SH3D19: variants seen among roughly 807,000 people sequenced by gnomAD.
SH3D19 encodes the protein SH3 domain-containing protein 19.
SH3D19 carries 58 observed loss-of-function variants against 112.1 expected under a neutral mutation model. The ratio of observed to expected loss-of-function variants is 0.52; its 90% CI spans 0.42 to 0.64. The LOEUF (loss-of-function observed/expected upper bound fraction) is 0.64. Among genes scored for constraint, SH3D19 ranks in the 30% least tolerant of loss-of-function variants. The pLI is 0.00. For missense variants in SH3D19, 1,090 were observed against 1,263.4 expected, an observed-to-expected ratio of 0.86 and a Z score of 2.08; for synonymous variants, 391 against 448.5, an observed-to-expected ratio of 0.87 and a Z score of 1.62.
chr4:151,279,745 G>C, intron 1 of SH3D19: 2 of 1,564,948 alleles, frequency 1.3e-6, no homozygotes, highest in South Asian at 1.1e-5. Flanking sequence ...GTGGGGACCA[G>C]AGAAACAGGA....
Position 151,128,218 on chromosome 4 carries a change from G to A in SH3D19, c.2881C>T (p.Gln961Ter). The change falls in exon 18 of 20, where the codon CAG becomes TAG. Residue 961 changes from glutamine (Q) to a stop codon, truncating the protein, a stop_gained. Transcript: ENST00000604030. LOFTEE classifies it high-confidence loss of function. ...LDSDWCRGRL[Q>*]DREGIFPAVF... The stretch of plus-strand genomic sequence containing the variant: ...GCTGGGAAGATCCCCTCCCTGTCCT[G>A]CAGTCTGCCCCTGCACCAGTCAGAA... The A allele has an allele frequency of 1.2e-6, 2 of 1,613,416 alleles. No individual in the cohort carries two copies. The highest frequency in any genetic ancestry group is 1.1e-5 in the South Asian group (1 of 90,842).
chr4:151,213,090 T>C (rs1487093736), intron 2 of SH3D19, among the ~76,000 whole-genome samples: 3 of 152,182 alleles, frequency 2.0e-5, no homozygotes, highest in Admixed American at 1.3e-4. Flanking sequence ...AAAGCTTCAG[T>C]GGATGAGGAG....
intron 1 of SH3D19, among the ~76,000 whole-genome samples, chr4:151,283,507 ACT>A (rs1774449659): frequency 9.8e-6 from 1 of 102,464 alleles, no homozygotes; most frequent in African/African-American, 3.3e-5. Flanking sequence ...TGGTCATTGG[ACT>A]TTTTTTTTTT....
chr4:151,180,551 C>T (rs555615714), intron 3 of SH3D19, among the ~76,000 whole-genome samples: 16 of 149,632 alleles, frequency 1.1e-4, no homozygotes, highest in South Asian at 4.3e-4. Flanking sequence ...GGACTACAGG[C>T]GCCCGCGACC....
chr4:151,150,206 A>AAAAAAAAAAAT (rs1273707426), intron 9 of SH3D19, among the ~76,000 whole-genome samples: 12 of 46,156 alleles, frequency 2.6e-4, no homozygotes, highest in East Asian at 9.5e-4. Flanking sequence ...AAAAAAAAAA[A>AAAAAAAAAAAT]ATATATATAT....
At chr4:151,177,734 T>C (rs1483443663) in intron 4 of SH3D19, among the ~76,000 whole-genome samples, 1 of 152,236 alleles carries the variant, frequency 6.6e-6, no homozygotes, top group Non-Finnish European at 1.5e-5. Flanking sequence ...ACTTCATCTC[T>C]GTTTCAATTC....
intron 2 of SH3D19, among the ~76,000 whole-genome samples, chr4:151,225,135 T>C (rs1768781212): frequency 6.6e-6 from 1 of 152,332 alleles, no homozygotes; most frequent in Admixed American, 6.5e-5. Context: ...TATATTTTTA[T>C]TGATTGAGGT....
At chr4:151,137,082 A>T (rs752860852) in intron 14 of SH3D19, among the ~76,000 whole-genome samples, 13 of 152,182 alleles carry the variant, frequency 8.5e-5, no homozygotes, top group Non-Finnish European at 1.8e-4. Context: ...TTTTATCCCC[A>T]TGTTTCACAC....
intron 4 of SH3D19, among the ~76,000 whole-genome samples, chr4:151,178,311 A>G (rs1015597959): frequency 1.3e-5 from 2 of 152,218 alleles, no homozygotes. Flanking sequence ...TGGAACATAC[A>G]TGGATGATAA....
At chr4:151,185,282 C>T (rs971200166) in intron 3 of SH3D19, among the ~76,000 whole-genome samples, 2 of 152,040 alleles carry the variant, frequency 1.3e-5, no homozygotes, top group Non-Finnish European at 2.9e-5. Flanking sequence ...GGGCTGGGTT[C>T]ATTGGGTCAT....
chr4:151,226,042 CAT>C lies in SH3D19; in HGVS notation c.152+3_152+4del. ...ACAGAATTATTAGATACTGTAAATT[CAT>C]ACCTTGAAGAACGATGTTCTGGTTT... On this transcript the variant is annotated splice_donor_region_variant and intron_variant, in intron 2 of 19. Transcript: ENST00000604030. 8.1e-7 allele frequency: 1 copy of C among 1,230,844 alleles called. No homozygotes were observed. Among genetic ancestry groups the C allele is most frequent in the African/African-American group, 1.5e-5 (1 of 64,522 alleles). The allele number at this position is 1,230,844 out of a possible 1,614,324, so 76.2% of individuals were successfully genotyped here.
At chr4:151,291,124 T>C (rs774987956) in intron 1 of SH3D19, 2 of 1,609,660 alleles carry the variant, frequency 1.2e-6, no homozygotes, top group Non-Finnish European at 1.7e-6. Context: ...TTAGGGTGAT[T>C]CTGGAGGGCC....
intron 6 of SH3D19, 137 bp from the exon 7 acceptor site, chr4:151,175,811 G>A (rs1759852893): frequency 1.2e-5 from 9 of 755,764 alleles, no homozygotes; most frequent in Non-Finnish European, 1.6e-5. Context: ...CTTTTAATTA[G>A]TAAAAAGTGA....
chr4:151,175,516 A>G lies in SH3D19; in HGVS notation c.688T>C (p.Ser230Pro). ...GGTATTGGTCTGAGGTTGCTTTTTGATCTTGGTTTTGGCACTGGACATCTT... is the reference window on the plus strand; with the variant it reads ...GGTATTGGTCTGAGGTTGCTTTTTGGTCTTGGTTTTGGCACTGGACATCTT... ...ATRCPVPKPR[S>P]KSNLRPIPRD... Residue 230 changes from serine (S) to proline (P), a missense_variant, in exon 7 of 20, where the codon TCA becomes CCA. Physicochemically the swap from Ser to Pro is moderately conservative, Grantham distance 74. Transcript: ENST00000604030. 7.1e-7 allele frequency: 1 copy of G among 1,401,572 alleles called. No individual in the cohort carries two copies. Among genetic ancestry groups the G allele is most frequent in the Non-Finnish European group, 9.2e-7 (1 of 1,082,454 alleles). 86.8% of individuals were successfully genotyped at this position (1,401,572 alleles called of 1,614,324 possible). A position where few individuals can be genotyped will look rare whatever the true frequency, so the allele number is the denominator to read the frequency against.
intron 1 of SH3D19, among the ~76,000 whole-genome samples, chr4:151,271,212 C>T (rs1418257832): frequency 6.6e-6 from 1 of 152,194 alleles, no homozygotes; most frequent in African/African-American, 2.4e-5. Flanking sequence ...AGGCATGAGC[C>T]ACTATGCGTG....
At chr4:151,325,202 G>A in intron 1 of SH3D19, 39 bp downstream of exon 1, 1 of 1,145,986 alleles carries the variant, frequency 8.7e-7, no homozygotes, top group Non-Finnish European at 1.1e-6. Context: ...AGAGCGCGCA[G>A]CTCTGGGTCC....
intron 1 of SH3D19, chr4:151,262,995 T>C (rs957064013): frequency 2.6e-5 from 4 of 152,036 alleles, no homozygotes; most frequent in Admixed American, 6.6e-5. Context: ...AAAGTGACAG[T>C]TGAGAATGAG....
At chr4:151,286,492 G>A (rs1774800638) in intron 1 of SH3D19, among the ~76,000 whole-genome samples, 1 of 150,536 alleles carries the variant, frequency 6.6e-6, no homozygotes, top group Admixed American at 6.6e-5. Context: ...AGATAACTAA[G>A]ATGATATGGA....
At chr4:151,171,475 T>C (rs569879242) in intron 7 of SH3D19, among the ~76,000 whole-genome samples, 23 of 152,334 alleles carry the variant, frequency 1.5e-4, no homozygotes, top group African/African-American at 5.0e-4. Context: ...TTTGCAGTGA[T>C]GGCATTTTTG....
Sources: gnomAD v4.1 joint callset for allele counts (sites outside exome capture counted in the v4.1 genomes callset) on GRCh38, gnomAD v4.1.1 for gene constraint, MANE v1.5 for transcripts, NCBI Gene and HGNC (gene_info 2026-07-23, HGNC 2026-07-21) for gene names.